Variants in BPIFC observed in about 807,000 individuals in gnomAD.
BPIFC encodes the protein BPI fold-containing family C protein.
In BPIFC, 60 loss-of-function variants were observed where a neutral mutation model predicts 57.6. The observed-to-expected ratio is 1.04, with a 90% CI of 0.85 to 1.29. The LOEUF (loss-of-function observed/expected upper bound fraction) is 1.29, where lower values mean the gene tolerates loss of function less well. BPIFC is among the 50% of genes most tolerant of loss of function. The pLI is 0.00. For missense variants in BPIFC, 581 were observed against 600.5 expected, an observed-to-expected ratio of 0.97 and a Z score of 0.34; for synonymous variants, 243 against 224.5, an observed-to-expected ratio of 1.08 and a Z score of -0.74.
At position 32,445,712 on chromosome 22, in the gene BPIFC, T is replaced by TTAAAAAAAAAAAAAAAAAAAAAAAAAAA; in HGVS notation, c.531-15_531-14insTTTTTTTTTTTTTTTTTTTTTTTTTTTA. ...TTATACAGAACACTGAGGAAAAAAA[T>TTAAAAAAAAAAAAAAAAAAAAAAAAAAA]GAAAAAAAAAAAAAAAAAAAAAAGA... On this transcript the variant is annotated splice_polypyrimidine_tract_variant and intron_variant, in intron 6 of 16. Coordinates refer to ENST00000300399, the MANE Select transcript of BPIFC (RefSeq NM_174932.3). 1 of 169,418 alleles carries TTAAAAAAAAAAAAAAAAAAAAAAAAAAA rather than the reference T, an allele frequency of 5.9e-6. No homozygotes were observed. The highest frequency in any genetic ancestry group is 1.9e-4 in the South Asian group (1 of 5,380). The allele number at this position is 169,418 out of a possible 1,614,324, so 10.5% of individuals were successfully genotyped here.
intron 13 of BPIFC, among the ~76,000 whole-genome samples, chr22:32,419,987 A>G (rs1178548614): frequency 2.6e-5 from 4 of 152,060 alleles, no homozygotes; most frequent in South Asian, 2.1e-4. Context: ...GCTACACGGA[A>G]CTTAATGTTG....
At position 32,415,921 on chromosome 22, in the gene BPIFC, A is replaced by G. The variant is rs2145906077; in HGVS notation, c.1395T>C (p.Val465=). 1 of 1,582,142 alleles carries G rather than the reference A, an allele frequency of 6.3e-7. No individual in the cohort carries two copies. The highest frequency in any genetic ancestry group is 8.6e-7 in the Non-Finnish European group (1 of 1,163,894). Residue 465 remains valine, a synonymous_variant, in exon 16 of 17, where the codon GTT becomes GTC. Transcript: ENST00000300399. ...KFLFVNSDIE[V]LEGFLLISTD... ...GTGAGATTTGCATTCTTACCTCAAG[A>G]ACTTCAATATCTGAATTGACGAATA...
intron 10 of BPIFC, among the ~76,000 whole-genome samples, 170 bp from the exon 11 acceptor site, chr22:32,433,942 G>C (rs1934315925): frequency 6.6e-6 from 1 of 152,032 alleles, no homozygotes; most frequent in South Asian, 2.1e-4. Flanking sequence ...GGAATCCGAG[G>C]CTCAGAGAAG....
rs913170876 is a variant in BPIFC, at chr22:32,461,673, G to T, written c.-88-12C>A. 4.1e-6 allele frequency: 4 copies of T among 983,046 alleles called. No individual in the cohort carries two copies. The African/African-American group carries it at 7.0e-5, about 17-fold the overall frequency. 60.9% of individuals were successfully genotyped at this position (983,046 alleles called of 1,614,324 possible). A position where few individuals can be genotyped will look rare whatever the true frequency, so the allele number is the denominator to read the frequency against. On this transcript the variant is annotated splice_polypyrimidine_tract_variant and intron_variant, in intron 1 of 16. Coordinates refer to ENST00000300399, the MANE Select transcript of BPIFC (RefSeq NM_174932.3). The stretch of plus-strand genomic sequence containing the variant: ...TTAGTCAAGGTGTCCTGGAAAGGGG[G>T]ATAAGTAGAGATGAACTATGGGAGT...
intron 13 of BPIFC, among the ~76,000 whole-genome samples, chr22:32,429,142 A>G (rs1470447059): frequency 2.0e-5 from 3 of 151,930 alleles, no homozygotes; most frequent in Admixed American, 1.3e-4. Context: ...GCAGTTTTGT[A>G]TTCTGTTTTT....
At chr22:32,463,493 T>C (rs1263399709) in intron 1 of BPIFC, among the ~76,000 whole-genome samples, 2 of 152,110 alleles carry the variant, frequency 1.3e-5, no homozygotes, top group Admixed American at 6.5e-5. Flanking sequence ...GCTAAGAAAA[T>C]GCCAGTCCAA....
At chr22:32,432,014 G>GCC (rs2145929241) in intron 12 of BPIFC, among the ~76,000 whole-genome samples, 1 of 63,040 alleles carries the variant, frequency 1.6e-5, no homozygotes, top group South Asian at 1.0e-3. Flanking sequence ...GCTCACTGTA[G>GCC]CCTCAAACTC....
rs544177031 is a variant in BPIFC, at chr22:32,414,577, G to A, written c.1402-152C>T. 243 of 970,278 alleles carry A rather than the reference G, an allele frequency of 2.5e-4. 1 individual carries two copies. The Middle Eastern group carries it at 3.6e-3, about 14-fold the overall frequency. The allele number at this position is 970,278 out of a possible 1,614,324, so 60.1% of individuals were successfully genotyped here. Reference sequence around the variant, plus strand: ...CGCCCAGGCTGGAGTGTGGTGGTGCGATCTTGGCTCACTGCAAGCTCCGTC... The same window carrying A: ...CGCCCAGGCTGGAGTGTGGTGGTGCAATCTTGGCTCACTGCAAGCTCCGTC... On this transcript the variant is annotated intron_variant, in intron 16 of 16. Coordinates refer to ENST00000300399, the MANE Select transcript of BPIFC (RefSeq NM_174932.3).
intron 4 of BPIFC, among the ~76,000 whole-genome samples, chr22:32,448,321 C>T (rs1934790705): frequency 6.6e-6 from 1 of 151,858 alleles, no homozygotes; most frequent in South Asian, 2.1e-4. Flanking sequence ...GATCTGCCCG[C>T]CTCGGCCTCC....
At chr22:32,446,850 C>T in intron 5 of BPIFC, 4 of 959,614 alleles carry the variant, frequency 4.2e-6, no homozygotes, top group Non-Finnish European at 5.0e-6. Context: ...TTTCCCATCA[C>T]TTACTCCTGC....
chr22:32,429,396 C>T (rs1053458900), intron 13 of BPIFC, among the ~76,000 whole-genome samples: 3 of 150,586 alleles, frequency 2.0e-5, no homozygotes, highest in African/African-American at 7.3e-5. Context: ...TCAGTAGAGA[C>T]GGGGTTTCAC....
At chr22:32,455,538 G>A (rs1476349264) in intron 3 of BPIFC, among the ~76,000 whole-genome samples, 4 of 152,108 alleles carry the variant, frequency 2.6e-5, no homozygotes, top group South Asian at 4.1e-4. Flanking sequence ...ACCCAGTGAC[G>A]AGGTGTTATT....
intron 13 of BPIFC, among the ~76,000 whole-genome samples, chr22:32,425,101 A>G (rs763826564): frequency 9.9e-5 from 15 of 152,110 alleles, no homozygotes; most frequent in Non-Finnish European, 2.2e-4. Flanking sequence ...TTTCTAAGTC[A>G]AAGCTCTTCA....
rs1268557081 is a variant in BPIFC, at chr22:32,429,517, T to TG, written c.1217+1829_1217+1830insC. ...CATGGCAACTGGCCTTTGTTTTTTT[T>TG]TTTTTTTTTTTTTTTTTTTCATGAA... On this transcript the variant is annotated intron_variant, in intron 13 of 16. Coordinates refer to ENST00000300399, the MANE Select transcript of BPIFC (RefSeq NM_174932.3). 2.4e-3 allele frequency among the ~76,000 whole-genome samples: 301 copies of TG among 123,504 alleles called. 2 individuals are homozygous for TG. The highest frequency in any genetic ancestry group is 8.5e-3 in the African/African-American group (287 of 33,818). 81.0% of individuals were successfully genotyped at this position (123,504 alleles called of 152,430 possible).
At chr22:32,436,025 T>TG in intron 9 of BPIFC, 145 bp from the exon 10 acceptor site, 6 of 827,142 alleles carry the variant, frequency 7.3e-6, no homozygotes, top group Non-Finnish European at 1.1e-5. Flanking sequence ...ATCCCAACAC[T>TG]TTGGGAGGCT....
Position 32,442,589 on chromosome 22 carries a change from C to T in BPIFC, c.655+82G>A, listed in dbSNP as rs1017822779. 2.5e-5 allele frequency: 34 copies of T among 1,349,940 alleles called. No individual in the cohort carries two copies. The East Asian group carries it at 3.2e-4, about 13-fold the overall frequency. The allele number at this position is 1,349,940 out of a possible 1,614,324, so 83.6% of individuals were successfully genotyped here. ...GCAGGATGGATAGCTCAAGCTATAC[C>T]GCCTTGAAAAGCAAACCCAGGCAGT... On this transcript the variant is annotated intron_variant, in intron 8 of 16. Coordinates refer to ENST00000300399, the MANE Select transcript of BPIFC (RefSeq NM_174932.3).
At chr22:32,435,985 T>G in intron 9 of BPIFC, 105 bp from the exon 10 acceptor site, 1 of 1,327,610 alleles carries the variant, frequency 7.5e-7, no homozygotes. Context: ...TTCCAGAAGC[T>G]CGGGCCAGGT....
chr22:32,434,522 A>G (rs1234776478), intron 10 of BPIFC, among the ~76,000 whole-genome samples: 6 of 151,040 alleles, frequency 4.0e-5, no homozygotes, highest in African/African-American at 1.5e-4. Flanking sequence ...CTTTATTTAT[A>G]TATATATTAC....
rs567720942 is a variant in BPIFC at position 32,456,957 on chromosome 22, C to T, written c.124+306G>A. On this transcript the variant is annotated intron_variant, in intron 3 of 16. Coordinates refer to ENST00000300399, the MANE Select transcript of BPIFC (RefSeq NM_174932.3). The stretch of plus-strand genomic sequence containing the variant: ...AGGTGTTACTTTTACTTTCAAATTT[C>T]CTTTCCTGTATCCTACAAATGTGTC... Among the ~76,000 whole-genome samples the T allele has an allele frequency of 3.9e-5, 6 of 152,276 alleles. No individual in the cohort carries two copies. In the South Asian group the frequency reaches 1.2e-3, roughly 32 times the overall value.
Sources: allele counts gnomAD v4.1 joint callset (sites outside exome capture counted in the v4.1 genomes callset), GRCh38; gene constraint gnomAD v4.1.1; transcripts MANE v1.5; gene names NCBI Gene and HGNC (gene_info 2026-07-23, HGNC 2026-07-21).